The following MAP4K3 variants were observed in gnomAD, a reference collection of about 807,000 sequenced individuals.
The protein encoded by MAP4K3 is mitogen-activated protein kinase kinase kinase kinase 3.
A neutral mutation model predicts 143.5 loss-of-function variants in MAP4K3; 94 were observed. That is an observed-to-expected ratio of 0.65 (90% CI 0.55 to 0.78). MAP4K3 has a LOEUF of 0.78. Among genes scored for constraint, MAP4K3 ranks in the 30% least tolerant of loss-of-function variants. The pLI, the probability that MAP4K3 is intolerant of heterozygous loss-of-function variation, is 0.00. For synonymous variants in MAP4K3, 416 were observed against 347.2 expected, an observed-to-expected ratio of 1.20 and a Z score of -2.20; for missense variants, 1,077 against 1,068.1, an observed-to-expected ratio of 1.01 and a Z score of -0.12.
intron 1 of MAP4K3, among the ~76,000 whole-genome samples, chr2:39,416,019 G>A (rs1273084295): frequency 2.6e-5 from 2 of 77,544 alleles, no homozygotes; most frequent in Non-Finnish European, 4.9e-5. Flanking sequence ...ATAACATTTG[G>A]AAGAATAAAT....
chr2:39,368,925 G>T (rs149917052), intron 2 of MAP4K3, among the ~76,000 whole-genome samples: 1 of 151,838 alleles, frequency 6.6e-6, no homozygotes, highest in Non-Finnish European at 1.5e-5. Flanking sequence ...TACATATATC[G>T]TACCTCTCCC....
At position 39,293,226 on chromosome 2, in the gene MAP4K3, T is replaced by C; in HGVS notation, c.1217+4A>G. 1 of 1,545,456 alleles carries C rather than the reference T, an allele frequency of 6.5e-7. No individual in the cohort carries two copies. The highest frequency in any genetic ancestry group is 2.3e-5 in the East Asian group (1 of 42,582). ...AGTACTTTAAGATTAAAAATTAAAA[T>C]TACCGCTGATGCAATTCTTCTTCAA... On this transcript the variant is annotated splice_donor_region_variant and intron_variant, in intron 17 of 33. Transcript: ENST00000263881.
At chr2:39,376,970 G>A (rs1166657842) in intron 2 of MAP4K3, among the ~76,000 whole-genome samples, 2 of 152,032 alleles carry the variant, frequency 1.3e-5, no homozygotes, top group Non-Finnish European at 2.9e-5. Context: ...AGAATATAAC[G>A]ACTACATAAA....
At chr2:39,315,661 G>A in intron 12 of MAP4K3, 1 of 388,612 alleles carries the variant, frequency 2.6e-6, no homozygotes, top group Non-Finnish European at 4.7e-6. Flanking sequence ...AACACAATTA[G>A]TAACATATTC....
chr2:39,407,145 TA>T (rs539412372), intron 1 of MAP4K3, among the ~76,000 whole-genome samples: 2 of 152,028 alleles, frequency 1.3e-5, no homozygotes, highest in Admixed American at 6.5e-5. Context: ...CTCCACAGAA[TA>T]AAAAAGTAAA....
At chr2:39,372,829 G>A (rs1666119408) in intron 2 of MAP4K3, among the ~76,000 whole-genome samples, 1 of 152,036 alleles carries the variant, frequency 6.6e-6, no homozygotes, top group African/African-American at 2.4e-5. Flanking sequence ...CTCAAACTAT[G>A]GAAATACTAC....
chr2:39,348,067 G>C (rs1392324778), intron 3 of MAP4K3, among the ~76,000 whole-genome samples: 5 of 151,896 alleles, frequency 3.3e-5, no homozygotes, highest in Admixed American at 2.6e-4. Context: ...AAATCTAAAA[G>C]TTTCTAAAAA....
At chr2:39,262,910 G>A (rs1369360699) in intron 28 of MAP4K3, among the ~76,000 whole-genome samples, 1 of 152,014 alleles carries the variant, frequency 6.6e-6, no homozygotes, top group Non-Finnish European at 1.5e-5. Context: ...TTCGAGACCA[G>A]CCTAGCCAAG....
At chr2:39,403,880 T>C (rs377660096) in intron 1 of MAP4K3, among the ~76,000 whole-genome samples, 3 of 151,098 alleles carry the variant, frequency 2.0e-5, no homozygotes, top group Non-Finnish European at 2.9e-5. Flanking sequence ...GCATCTTGGA[T>C]ACCAGCTCAG....
At chr2:39,392,255 CG>C (rs1453746321) in intron 1 of MAP4K3, among the ~76,000 whole-genome samples, 1 of 150,306 alleles carries the variant, frequency 6.7e-6, no homozygotes, top group Non-Finnish European at 1.5e-5. Flanking sequence ...TTCTCTAACC[CG>C]TATCCCTGGG....
chr2:39,323,572 T>C (rs1683390710), intron 12 of MAP4K3: 1 of 152,244 alleles, frequency 6.6e-6, no homozygotes, highest in Non-Finnish European at 1.5e-5. Context: ...TGAAATTGCA[T>C]AAAGTATAAA....
At chr2:39,273,643 G>C (rs187324625) in intron 24 of MAP4K3, among the ~76,000 whole-genome samples, 1 of 152,126 alleles carries the variant, frequency 6.6e-6, no homozygotes, top group African/African-American at 2.4e-5. Context: ...AATAATAAAA[G>C]GGAGGAGAAA....
chr2:39,368,807 G>C (rs565233513), intron 2 of MAP4K3, among the ~76,000 whole-genome samples: 2 of 152,188 alleles, frequency 1.3e-5, no homozygotes, highest in South Asian at 4.2e-4. Flanking sequence ...AGCAGCTCCT[G>C]ATCTGTTCTT....
intron 1 of MAP4K3, among the ~76,000 whole-genome samples, chr2:39,423,060 G>T (rs1213541852): frequency 1.3e-5 from 2 of 151,716 alleles, no homozygotes; most frequent in African/African-American, 4.8e-5. Flanking sequence ...AATATACAAA[G>T]AACTCTTTAA....
intron 12 of MAP4K3, among the ~76,000 whole-genome samples, chr2:39,321,762 C>A (rs984652107): frequency 6.6e-6 from 1 of 152,310 alleles, no homozygotes; most frequent in East Asian, 1.9e-4. Flanking sequence ...GTGGGACATG[C>A]GGGCAACAAT....
At chr2:39,332,980 C>A (rs942998742) in intron 7 of MAP4K3, among the ~76,000 whole-genome samples, 1 of 151,852 alleles carries the variant, frequency 6.6e-6, no homozygotes, top group East Asian at 1.9e-4. Flanking sequence ...AAAACTATAA[C>A]GAACACTTGT....
chr2:39,290,081 T>C (rs1681969967), intron 19 of MAP4K3, among the ~76,000 whole-genome samples: 1 of 39,266 alleles, frequency 2.5e-5, no homozygotes, highest in Admixed American at 3.2e-4. Context: ...AGTGAGACTG[T>C]CTCAAAAAAA....
intron 1 of MAP4K3, among the ~76,000 whole-genome samples, chr2:39,428,961 G>A (rs376825062): frequency 2.0e-5 from 3 of 151,320 alleles, no homozygotes; most frequent in Admixed American, 1.3e-4. Flanking sequence ...CCAGCTACTC[G>A]GGAGGCTGAG....
chr2:39,328,654 C>A (rs1359035287), intron 8 of MAP4K3, among the ~76,000 whole-genome samples: 7 of 152,116 alleles, frequency 4.6e-5, no homozygotes, highest in Admixed American at 3.3e-4. Context: ...CCACAGCATA[C>A]AAGTTTTTCA....
Sources: allele counts gnomAD v4.1 joint callset (sites outside exome capture counted in the v4.1 genomes callset), GRCh38; gene constraint gnomAD v4.1.1; transcripts MANE v1.5; gene names NCBI Gene and HGNC (gene_info 2026-07-23, HGNC 2026-07-21).